The following CPED1 variants were observed in gnomAD, a reference collection of about 807,000 sequenced individuals.
The protein encoded by CPED1 is cadherin-like and PC-esterase domain-containing protein 1.
A neutral mutation model predicts 128.2 loss-of-function variants in CPED1; 114 were observed. The observed-to-expected ratio is 0.89, with a 90% confidence interval of 0.76 to 1.04. CPED1 has a LOEUF of 1.04. Ranked by LOEUF, CPED1 falls within the 50% of genes least tolerant of loss-of-function variation. The pLI is 0.00. For synonymous variants in CPED1, 462 were observed against 426.7 expected, an observed-to-expected ratio of 1.08 and a Z score of -1.02; for missense variants, 1,211 against 1,207.1, an observed-to-expected ratio of 1.00 and a Z score of -0.05.
In CPED1 at chr7:121,282,500, G is replaced by A. The variant is rs936009128; in HGVS notation, c.2868+11070G>A. ...GTACAGGTATCAAACATCTTTCACC[G>A]GAATAACATTTCCAAGCCTTAAAAA... On this transcript the variant is annotated intron_variant, in intron 22 of 22. Coordinates refer to ENST00000310396, the MANE Select transcript of CPED1 (RefSeq NM_024913.5). Among the ~76,000 whole-genome samples the A allele has an allele frequency of 9.9e-5, 15 of 152,044 alleles. No homozygotes were observed. In the South Asian group the frequency reaches 1.2e-3, roughly 13 times the overall value.
intron 18 of CPED1, among the ~76,000 whole-genome samples, chr7:121,265,262 A>C (rs1792100380): frequency 6.6e-6 from 1 of 152,052 alleles, no homozygotes; most frequent in African/African-American, 2.4e-5. Flanking sequence ...ATTTGGAGTT[A>C]AAGTACGTGG....
intron 5 of CPED1, among the ~76,000 whole-genome samples, chr7:121,070,788 T>C (rs543155642): frequency 5.3e-4 from 80 of 152,238 alleles, no homozygotes; most frequent in African/African-American, 1.5e-3. Flanking sequence ...CCTTTCTTGC[T>C]CCTAAATAAT....
chr7:120,993,888 A>G (rs1796348827), intron 2 of CPED1: 1 of 253,042 alleles, frequency 4.0e-6, no homozygotes, highest in Non-Finnish European at 8.3e-6. Flanking sequence ...AGTCCCTCTC[A>G]TGGTATTTGC....
rs142169904 is a variant in CPED1 at position 120,996,841 on chromosome 7, G to T, written c.249+6971G>T. 5.7e-3 allele frequency among the ~76,000 whole-genome samples: 873 copies of T among 152,262 alleles called. 3 individuals are homozygous for T. Among genetic ancestry groups the T allele is most frequent in the Middle Eastern group, 0.031 (9 of 294 alleles). ...TAACCAGTTACCCCTCCATCTGCCT[G>T]CATATTCTAGGCAGTCTGTGCACAG... On this transcript the variant is annotated intron_variant, in intron 2 of 22. Coordinates refer to ENST00000310396, the MANE Select transcript of CPED1 (RefSeq NM_024913.5).
chr7:121,008,677 G>A (rs1301896406), intron 2 of CPED1, among the ~76,000 whole-genome samples: 1 of 152,024 alleles, frequency 6.6e-6, no homozygotes, highest in Non-Finnish European at 1.5e-5. Flanking sequence ...AGAGCTCCTG[G>A]ATCATTCTTT....
At chr7:121,111,525 G>C (rs1795107619) in intron 7 of CPED1, among the ~76,000 whole-genome samples, 2 of 152,164 alleles carry the variant, frequency 1.3e-5, no homozygotes, top group South Asian at 4.1e-4. Context: ...TTGAAGGATA[G>C]TAGAGTGGTC....
Position 121,097,889 on chromosome 7 carries a change from A to G in CPED1, c.749+58A>G, listed in dbSNP as rs966520682. ...CATGCATTGTAGGAGACAGCTAACA[A>G]GAGAAAAGCACAGAACAGATATGGG... On this transcript the variant is annotated intron_variant, in intron 6 of 22. Transcript: ENST00000310396. The G allele has an allele frequency of 7.6e-6, 12 of 1,584,872 alleles. No individual in the cohort carries two copies. The African/African-American group carries it at 1.2e-4, about 16-fold the overall frequency.
chr7:121,006,103 T>C (rs1408724883), intron 2 of CPED1, among the ~76,000 whole-genome samples: 2 of 152,206 alleles, frequency 1.3e-5, no homozygotes, highest in African/African-American at 4.8e-5. Flanking sequence ...GTTGTTGTAA[T>C]TGCCCCAATG....
intron 17 of CPED1, among the ~76,000 whole-genome samples, chr7:121,243,208 G>C (rs767503751): frequency 6.6e-6 from 1 of 152,108 alleles, no homozygotes; most frequent in Non-Finnish European, 1.5e-5. Flanking sequence ...TTTAGGGTAA[G>C]GAGAGTGATT....
intron 18 of CPED1, among the ~76,000 whole-genome samples, chr7:121,252,828 A>T (rs1425133753): frequency 1.3e-5 from 2 of 152,132 alleles, no homozygotes; most frequent in Non-Finnish European, 2.9e-5. Flanking sequence ...GCTGGAGAGG[A>T]TGTGGAGAAA....
At position 121,141,949 on chromosome 7, in the gene CPED1, TTCTC is replaced by T. The variant is rs748819509; in HGVS notation, c.1887-19_1887-16del. The T allele has an allele frequency of 2.5e-6, 4 of 1,600,518 alleles. No homozygotes were observed. The South Asian group carries it at 3.3e-5, about 13-fold the overall frequency. On this transcript the variant is annotated intron_variant, in intron 15 of 22. Transcript: ENST00000310396. ...TAAATCTCCCCTATTCATATTCTATTTCTCTCTCCCTCTTTCTCTCCAGCTTTGC... is the reference window on the plus strand; with the variant it reads ...TAAATCTCCCCTATTCATATTCTATTTCTCCCTCTTTCTCTCCAGCTTTGC...
intron 7 of CPED1, among the ~76,000 whole-genome samples, chr7:121,104,274 A>C (rs1317390236): frequency 1.3e-5 from 2 of 152,142 alleles, no homozygotes; most frequent in Non-Finnish European, 2.9e-5. Flanking sequence ...TGTATCTATA[A>C]ATTCACGAGT....
intron 4 of CPED1, among the ~76,000 whole-genome samples, chr7:121,057,343 T>C (rs565809016): frequency 4.6e-5 from 7 of 152,278 alleles, no homozygotes; most frequent in Non-Finnish European, 8.8e-5. Flanking sequence ...TTTTGTTACA[T>C]GGGTATATTG....
At chr7:121,093,848 G>A (rs1033530539) in intron 5 of CPED1, among the ~76,000 whole-genome samples, 12 of 152,044 alleles carry the variant, frequency 7.9e-5, no homozygotes, top group African/African-American at 2.9e-4. Context: ...TCTACCCCTT[G>A]TTGATTTTCC....
chr7:120,993,623 G>A (rs1344001307), intron 2 of CPED1, among the ~76,000 whole-genome samples: 1 of 152,066 alleles, frequency 6.6e-6, no homozygotes, highest in Non-Finnish European at 1.5e-5. Flanking sequence ...TTCCTTACTT[G>A]GCCCAGGTTT....
chr7:121,167,428 T>A (rs961156179), intron 16 of CPED1, among the ~76,000 whole-genome samples: 2 of 152,218 alleles, frequency 1.3e-5, no homozygotes, highest in African/African-American at 4.8e-5. Flanking sequence ...CAACCAAGAT[T>A]GAATCCTTCA....
At chr7:121,068,364 A>G (rs1289454256) in intron 5 of CPED1, among the ~76,000 whole-genome samples, 1 of 152,130 alleles carries the variant, frequency 6.6e-6, no homozygotes, top group Non-Finnish European at 1.5e-5. Flanking sequence ...CCATCTATTA[A>G]ATAGGGAATC....
intron 16 of CPED1, among the ~76,000 whole-genome samples, chr7:121,212,856 A>G (rs1203378928): frequency 6.6e-6 from 1 of 152,002 alleles, no homozygotes; most frequent in Admixed American, 6.6e-5. Context: ...CTACCATGGG[A>G]ATTTATTTTA....
rs971779302 is a variant in CPED1, at chr7:121,131,058, G to C, written c.1577+764G>C. Among the ~76,000 whole-genome samples the C allele has an allele frequency of 2.6e-5, 4 of 152,178 alleles. No homozygotes were observed. The East Asian group carries it at 7.7e-4, about 29-fold the overall frequency. ...CAGAAGTAAACCTAAACCTCCTAGG[G>C]AGATGAAAGACTAAATGGCCCTGCC... On this transcript the variant is annotated intron_variant, in intron 12 of 22. Transcript: ENST00000310396.
Sources: gnomAD v4.1 joint callset for allele counts (sites outside exome capture counted in the v4.1 genomes callset) on GRCh38, gnomAD v4.1.1 for gene constraint, MANE v1.5 for transcripts, NCBI Gene and HGNC (gene_info 2026-07-23, HGNC 2026-07-21) for gene names.